Variants in TWF2 observed in about 807,000 individuals in gnomAD.
TWF2 encodes the protein twinfilin-2.
In TWF2, 15 loss-of-function variants were observed where a neutral mutation model predicts 45.1. The ratio of observed to expected loss-of-function variants is 0.33; its 90% confidence interval spans 0.22 to 0.51. TWF2 has a LOEUF of 0.51. TWF2 is among the 20% of genes least tolerant of loss of function. The pLI is 0.97. For synonymous variants in TWF2, 177 were observed against 195.8 expected (o/e 0.90, Z 0.80); for missense variants, 423 against 469.1 (o/e 0.90, Z 0.91).
At chr3:52,234,563 C>G (rs751319756) in intron 2 of TWF2, among the ~76,000 whole-genome samples, 1 of 152,246 alleles carries the variant, frequency 6.6e-6, no homozygotes, top group Non-Finnish European at 1.5e-5. Context: ...TCCCTTCTCC[C>G]CATCATGGGG....
Position 52,228,755 on chromosome 3 carries a change from G to C in TWF2, c.*279C>G. ...GCTGGGACCCTAGTCTCAGCTCCCC[G>C]GGAGGCCAGGTTCATGCCAGGCCCC... On this transcript the variant is annotated 3_prime_UTR_variant, in exon 9 of 9. Transcript: ENST00000305533. 2.1e-6 allele frequency: 1 copy of C among 476,442 alleles called. No individual in the cohort carries two copies. The highest frequency in any genetic ancestry group is 3.9e-5 in the East Asian group (1 of 25,786). 29.5% of individuals were successfully genotyped at this position (476,442 alleles called of 1,614,324 possible). A position where few individuals can be genotyped will look rare whatever the true frequency, so the allele number is the denominator to read the frequency against.
intron 1 of TWF2, among the ~76,000 whole-genome samples, chr3:52,236,001 A>C (rs942857111): frequency 1.3e-5 from 2 of 152,150 alleles, no homozygotes; most frequent in Non-Finnish European, 2.9e-5. Context: ...CCCGAAACTC[A>C]CTAAGAGACT....
At position 52,239,119 on chromosome 3, in the gene TWF2, TC is replaced by T; in HGVS notation, c.-104del. On this transcript the variant is annotated 5_prime_UTR_variant, in exon 1 of 9. Transcript: ENST00000305533. Reference sequence around the variant, plus strand: ...GAGGTGGAGGATGTGGCGGAGGCTGTCGACCCTCGCGCAGCTTCCCGGGCGG... The same window carrying T: ...GAGGTGGAGGATGTGGCGGAGGCTGTGACCCTCGCGCAGCTTCCCGGGCGG... The T allele has an allele frequency of 1.4e-6, 2 of 1,406,888 alleles. No homozygotes were observed. Among genetic ancestry groups the T allele is most frequent in the Non-Finnish European group, 1.9e-6 (2 of 1,069,664 alleles). The allele number at this position is 1,406,888 out of a possible 1,614,324, so 87.2% of individuals were successfully genotyped here. A position where few individuals can be genotyped will look rare whatever the true frequency, so the allele number is the denominator to read the frequency against.
At chr3:52,236,888 C>A (rs1284034839) in intron 1 of TWF2, among the ~76,000 whole-genome samples, 1 of 152,154 alleles carries the variant, frequency 6.6e-6, no homozygotes, top group Non-Finnish European at 1.5e-5. Context: ...AGCCTGGCCT[C>A]TGGGGCTCCA....
At chr3:52,237,198 A>G (rs112395424) in intron 1 of TWF2, among the ~76,000 whole-genome samples, 1 of 152,220 alleles carries the variant, frequency 6.6e-6, no homozygotes, top group African/African-American at 2.4e-5. Flanking sequence ...CCCACAGGGA[A>G]AGGCACATCC....
rs773309849 is a variant in TWF2, at chr3:52,228,996, C to T, written c.*38G>A. The T allele has an allele frequency of 6.3e-7, 1 of 1,589,182 alleles. No homozygotes were observed. Among genetic ancestry groups the T allele is most frequent in the South Asian group, 1.1e-5 (1 of 88,528 alleles). The stretch of plus-strand genomic sequence containing the variant: ...GTGGCAGGGAGCGGAAGGTGGGCAG[C>T]CCCACAGTCCACACGTGGCCGGCCC... On this transcript the variant is annotated 3_prime_UTR_variant, in exon 9 of 9. Coordinates refer to ENST00000305533, the MANE Select transcript of TWF2 (RefSeq NM_007284.4).
At chr3:52,236,846 C>T (rs771549785) in intron 1 of TWF2, among the ~76,000 whole-genome samples, 1 of 152,074 alleles carries the variant, frequency 6.6e-6, no homozygotes, top group Non-Finnish European at 1.5e-5. Flanking sequence ...AACTTTCCAT[C>T]GGCAGATCCC....
At chr3:52,238,927 GC>G (rs903185516) in intron 1 of TWF2, 64 bp downstream of exon 1, 1 of 1,204,538 alleles carries the variant, frequency 8.3e-7, no homozygotes, top group Non-Finnish European at 1.1e-6. Context: ...GGGGCCGAGA[GC>G]CGGGGGGGGG....
chr3:52,231,606 G>A, intron 3 of TWF2, 67 bp from the exon 4 acceptor site: 2 of 1,508,250 alleles, frequency 1.3e-6, no homozygotes, highest in Non-Finnish European at 1.8e-6. Flanking sequence ...ACAGACAGGT[G>A]CCTCTGGAGG....
chr3:52,231,692 C>T (rs919680034), intron 3 of TWF2, among the ~76,000 whole-genome samples, 153 bp from the exon 4 acceptor site: 2 of 152,052 alleles, frequency 1.3e-5, no homozygotes, highest in African/African-American at 4.8e-5. Flanking sequence ...GTGGCCCCCA[C>T]CAGCAGGGGG....
At chr3:52,229,881 C>T in intron 7 of TWF2, 39 bp downstream of exon 7, 1 of 1,596,344 alleles carries the variant, frequency 6.3e-7, no homozygotes. Context: ...CCTGCTCCCA[C>T]CCAGCCACAG....
chr3:52,230,213 A>C (rs1420811355), intron 6 of TWF2, 143 bp from the exon 7 acceptor site: 1 of 1,167,740 alleles, frequency 8.6e-7, no homozygotes, highest in Non-Finnish European at 1.2e-6. Flanking sequence ...TGCAATGGCC[A>C]TCCCTCTATG....
chr3:52,235,850 C>A (rs980851953), intron 1 of TWF2, among the ~76,000 whole-genome samples: 3 of 152,226 alleles, frequency 2.0e-5, no homozygotes, highest in African/African-American at 7.2e-5. Flanking sequence ...CAGCCCCAGT[C>A]CCAGCCCTCC....
chr3:52,233,163 C>T (rs1480627385), intron 2 of TWF2, among the ~76,000 whole-genome samples: 1 of 152,232 alleles, frequency 6.6e-6, no homozygotes, highest in Admixed American at 6.5e-5. Context: ...CCTGGGTATA[C>T]ACAGGTCTAG....
intron 2 of TWF2, 134 bp downstream of exon 2, chr3:52,234,895 A>G (rs1414283866): frequency 2.2e-6 from 2 of 928,496 alleles, no homozygotes; most frequent in Non-Finnish European, 1.7e-6. Flanking sequence ...CTTTGTCAGG[A>G]TGGCCTCACA....
Position 52,230,079 on chromosome 3 carries a change from G to C in TWF2, c.610-9C>G. 1 of 1,572,888 alleles carries C rather than the reference G, an allele frequency of 6.4e-7. No homozygotes were observed. The highest frequency in any genetic ancestry group is 1.1e-5 in the South Asian group (1 of 88,012). On this transcript the variant is annotated splice_polypyrimidine_tract_variant and intron_variant, in intron 6 of 8. Coordinates refer to ENST00000305533, the MANE Select transcript of TWF2 (RefSeq NM_007284.4). ...CGCTCTAGGTCCAGCTTCTGCCCAGGGCCAAGGGAAGATGGGAGAGCACCA... is the reference window on the plus strand; with the variant it reads ...CGCTCTAGGTCCAGCTTCTGCCCAGCGCCAAGGGAAGATGGGAGAGCACCA...
chr3:52,230,573 G>C (rs1699668634), intron 6 of TWF2, among the ~76,000 whole-genome samples: 1 of 152,184 alleles, frequency 6.6e-6, no homozygotes, highest in African/African-American at 2.4e-5. Context: ...GTGACCCCAG[G>C]GGTATGGGTG....
In TWF2 at chr3:52,230,031, T is replaced by A. The variant is rs536744957; in HGVS notation, c.649A>T (p.Thr217Ser). The change falls in exon 7 of 9, where the codon ACA becomes TCA. Residue 217 changes from threonine to serine, a missense_variant. By Grantham distance (58) the Thr-to-Ser change is moderately conservative. Transcript: ENST00000305533. Reference sequence around the variant, plus strand: ...AGCTGGGCCACATCCGTGGGCTCTGTGTGCACCAGCTCAATGGTTTCCCGC... The same window carrying A: ...AGCTGGGCCACATCCGTGGGCTCTGAGTGCACCAGCTCAATGGTTTCCCGC... ...LERETIELVHTEPTDVAQLPS... is the reference protein window; with the variant it reads ...LERETIELVHSEPTDVAQLPS... 6.2e-7 allele frequency: 1 copy of A among 1,608,758 alleles called. No individual in the cohort carries two copies. Among genetic ancestry groups the A allele is most frequent in the African/African-American group, 1.3e-5 (1 of 74,924 alleles).
At chr3:52,229,842 A>C in intron 7 of TWF2, 60 bp from the exon 8 acceptor site, 1 of 1,596,700 alleles carries the variant, frequency 6.3e-7, no homozygotes, top group East Asian at 2.2e-5. Context: ...CTTCGCACCC[A>C]GAGCAGGCCT....
Sources: gnomAD v4.1 joint callset for allele counts (sites outside exome capture counted in the v4.1 genomes callset) on GRCh38, gnomAD v4.1.1 for gene constraint, MANE v1.5 for transcripts, NCBI Gene and HGNC (gene_info 2026-07-23, HGNC 2026-07-21) for gene names.